The following ST7L variants were observed in gnomAD, a reference collection of about 807,000 sequenced individuals.
The protein encoded by ST7L is suppression of tumorigenicity 7 like.
In ST7L, 57 loss-of-function variants were observed where a neutral mutation model predicts 72.5. The observed-to-expected ratio is 0.79, with a 90% CI of 0.64 to 0.98. The LOEUF (loss-of-function observed/expected upper bound fraction) is 0.98, where lower values mean the gene tolerates loss of function less well. ST7L is among the 50% of genes least tolerant of loss of function. The pLI, the probability that ST7L is intolerant of heterozygous loss-of-function variation, is 0.00. For synonymous variants in ST7L, 221 were observed against 240.9 expected (o/e 0.92, Z 0.77); for missense variants, 576 against 672.2 (o/e 0.86, Z 1.58).
At chr1:112,612,478 T>C (rs1669222637) in intron 2 of ST7L, among the ~76,000 whole-genome samples, 1 of 152,122 alleles carries the variant, frequency 6.6e-6, no homozygotes, top group Non-Finnish European at 1.5e-5. Context: ...TTCAAATCTG[T>C]AGGAATGTTA....
rs1303550208 is a variant in ST7L at position 112,542,068 on chromosome 1, G to A, written c.1512C>T (p.Tyr504=). The change falls in exon 14 of 15, where the codon TAC becomes TAT. Residue 504 remains tyrosine, a synonymous_variant. Transcript: ENST00000358039. ...TGAACAAAGGAAGCTCCTTTTTTGG[G>A]TAAACAGAAACATGATGAAAGGCTG... ...LLPTFHHVSV[Y]PKKELPLFIH... is the part of the protein sequence containing the mutation. The A allele has an allele frequency of 5.0e-6, 8 of 1,610,328 alleles. No individual in the cohort carries two copies. The highest frequency in any genetic ancestry group is 6.8e-6 in the Non-Finnish European group (8 of 1,178,716).
intron 11 of ST7L, among the ~76,000 whole-genome samples, chr1:112,569,393 C>T (rs1332629881): frequency 1.3e-5 from 2 of 152,158 alleles, no homozygotes; most frequent in African/African-American, 4.8e-5. Flanking sequence ...GAAGGAAGTA[C>T]TGACATATGC....
chr1:112,613,000 T>A (rs1038749807), intron 2 of ST7L, among the ~76,000 whole-genome samples: 2 of 152,042 alleles, frequency 1.3e-5, no homozygotes, highest in African/African-American at 4.8e-5. Flanking sequence ...GTGCCTGTAG[T>A]CCCAGCTACT....
chr1:112,550,928 G>A (rs561356129), intron 12 of ST7L, among the ~76,000 whole-genome samples: 1 of 152,044 alleles, frequency 6.6e-6, no homozygotes. Flanking sequence ...AGATGAGACT[G>A]GCTGGGTCCT....
chr1:112,606,305 A>G (rs778152726), intron 3 of ST7L, among the ~76,000 whole-genome samples: 9 of 152,306 alleles, frequency 5.9e-5, no homozygotes, highest in Admixed American at 3.9e-4. Context: ...TTTCACTATA[A>G]GCAGTCAGAA....
chr1:112,588,008 G>A (rs985445506), intron 6 of ST7L, among the ~76,000 whole-genome samples: 4 of 152,108 alleles, frequency 2.6e-5, no homozygotes, highest in African/African-American at 7.2e-5. Context: ...TCCAAGTCTT[G>A]CACCTCCTTG....
Position 112,618,187 on chromosome 1 carries a change from C to G in ST7L, c.205+722G>C, listed in dbSNP as rs562654421. On this transcript the variant is annotated intron_variant, in intron 1 of 14. Transcript: ENST00000358039. ...GGACCTGGGCCCTAAACACTTCATC[C>G]TGTCTACAGCTAAAGAATAGTACAG... is the stretch of plus-strand genomic sequence containing the variant. 2.1e-4 allele frequency: 250 copies of G among 1,216,648 alleles called. 1 individual carries two copies. Among genetic ancestry groups the G allele is most frequent in the Non-Finnish European group, 2.4e-4 (229 of 950,972 alleles). 75.4% of individuals were successfully genotyped at this position (1,216,648 alleles called of 1,614,324 possible). A position where few individuals can be genotyped will look rare whatever the true frequency, so the allele number is the denominator to read the frequency against.
chr1:112,574,637 C>T (rs746601891), intron 11 of ST7L, among the ~76,000 whole-genome samples: 5 of 148,682 alleles, frequency 3.4e-5, no homozygotes, highest in Non-Finnish European at 5.9e-5. Flanking sequence ...CCAGCCTGGG[C>T]GACAGAACAA....
chr1:112,617,150 A>G (rs1670008268), intron 1 of ST7L: 1 of 237,758 alleles, frequency 4.2e-6, no homozygotes, highest in Non-Finnish European at 8.0e-6. Context: ...ATTTAGATAG[A>G]ACTTTTGCAA....
chr1:112,619,412 C>CCG (rs1553177456), upstream of ST7L: 1 of 543,458 alleles, frequency 1.8e-6, no homozygotes, highest in African/African-American at 1.9e-5. Flanking sequence ...ACACCGCCCC[C>CCG]CCCCCGGGGT....
At chr1:112,606,607 G>A (rs1304182075) in intron 3 of ST7L, among the ~76,000 whole-genome samples, 1 of 152,162 alleles carries the variant, frequency 6.6e-6, no homozygotes, top group African/African-American at 2.4e-5. Context: ...TTGTTACAGT[G>A]GCACCCCACT....
intron 13 of ST7L, among the ~76,000 whole-genome samples, chr1:112,545,011 G>A (rs988686468): frequency 1.3e-5 from 2 of 152,126 alleles, no homozygotes; most frequent in African/African-American, 4.8e-5. Flanking sequence ...TGAACTAGGG[G>A]AATAGTTCAA....
chr1:112,528,376 A>G (rs1318641667), intron 14 of ST7L: 1 of 152,176 alleles, frequency 6.6e-6, no homozygotes. Flanking sequence ...GTGTGCACCT[A>G]GACTGTCAAA....
At position 112,582,097 on chromosome 1, in the gene ST7L, C is replaced by T; in HGVS notation, c.964G>A (p.Glu322Lys). 1.3e-6 allele frequency: 2 copies of T among 1,595,810 alleles called. No individual in the cohort carries two copies. The highest frequency in any genetic ancestry group is 2.2e-5 in the South Asian group (2 of 90,620). ...AVKIMRDLMKEFPPLTMLNIH... is the reference protein window; with the variant it reads ...AVKIMRDLMKKFPPLTMLNIH... ...TTCAACATGGTAAGAGGAGGAAATT[C>T]TTTCATCAACTGTATATTAAAAGGA... Residue 322 changes from glutamate (E) to lysine (K), a missense_variant, in exon 9 of 15, where the codon GAA (glutamate) becomes AAA (lysine). Coordinates refer to ENST00000358039, the MANE Select transcript of ST7L (RefSeq NM_017744.5).
intron 8 of ST7L, 117 bp from the exon 9 acceptor site, chr1:112,582,223 C>T: frequency 1.1e-6 from 1 of 916,432 alleles, no homozygotes; most frequent in Non-Finnish European, 1.7e-6. Context: ...GAAGACCTAA[C>T]CCTTAAGAAA....
intron 11 of ST7L, among the ~76,000 whole-genome samples, chr1:112,570,545 G>GTATA (rs71584748): frequency 0.059 from 7,683 of 130,658 alleles, 482 homozygotes; most frequent in African/African-American, 0.13. Context: ...AATAAAAGAT[G>GTATA]TATATATATA....
intron 11 of ST7L, among the ~76,000 whole-genome samples, chr1:112,573,196 A>C (rs1393371591): frequency 3.3e-5 from 5 of 151,984 alleles, no homozygotes; most frequent in African/African-American, 1.2e-4. Context: ...CGAAAATACA[A>C]AATTAGCTGG....
At chr1:112,554,759 A>T (rs917611094) in intron 12 of ST7L, among the ~76,000 whole-genome samples, 1 of 152,130 alleles carries the variant, frequency 6.6e-6, no homozygotes, top group Non-Finnish European at 1.5e-5. Flanking sequence ...AGATGAATGG[A>T]TAAAAAAAAT....
chr1:112,601,322 T>C (rs1667351672), intron 3 of ST7L, among the ~76,000 whole-genome samples: 3 of 152,136 alleles, frequency 2.0e-5, no homozygotes, highest in Non-Finnish European at 4.4e-5. Context: ...CTCAGCTCAC[T>C]GCAAGCTCCA....
Sources: gnomAD v4.1 joint callset for allele counts (sites outside exome capture counted in the v4.1 genomes callset) on GRCh38, gnomAD v4.1.1 for gene constraint, MANE v1.5 for transcripts, NCBI Gene and HGNC (gene_info 2026-07-23, HGNC 2026-07-21) for gene names.